The following RORA variants were observed in gnomAD, a reference collection of about 807,000 sequenced individuals.
RORA encodes the protein RAR related orphan receptor A, also known as nuclear receptor ROR-alpha.
RORA carries 7 observed loss-of-function variants against 69.5 expected under a neutral mutation model. That is an observed-to-expected ratio of 0.10 (90% confidence interval 0.06 to 0.19). RORA has a LOEUF of 0.19. Among genes scored for constraint, RORA ranks in the 10% least tolerant of loss-of-function variants. The pLI, the probability that RORA is intolerant of heterozygous loss-of-function variation, is 1.00. For missense variants in RORA, 457 were observed against 663.0 expected, an observed-to-expected ratio of 0.69 and a Z score of 3.41; for synonymous variants, 261 against 240.8, an observed-to-expected ratio of 1.08 and a Z score of -0.78.
chr15:61,073,681 G>C (rs1163847942), intron 1 of RORA, among the ~76,000 whole-genome samples: 1 of 152,158 alleles, frequency 6.6e-6, no homozygotes, highest in Admixed American at 6.5e-5. Context: ...CATTAAATAG[G>C]AATGCATATC....
intron 1 of RORA, among the ~76,000 whole-genome samples, chr15:60,709,035 T>C (rs1458806484): frequency 6.6e-6 from 1 of 152,228 alleles, no homozygotes; most frequent in Non-Finnish European, 1.5e-5. Flanking sequence ...CCTGAGCCCA[T>C]GAGCATGGGG....
intron 1 of RORA, among the ~76,000 whole-genome samples, chr15:60,691,259 C>G (rs116639878): frequency 0.011 from 1,647 of 152,268 alleles, 35 homozygotes; most frequent in African/African-American, 0.037. Context: ...TCCCTGCCCC[C>G]CTCTCCATTT....
chr15:60,641,885 T>A (rs1057372176), intron 2 of RORA, among the ~76,000 whole-genome samples: 1 of 152,228 alleles, frequency 6.6e-6, no homozygotes, highest in Non-Finnish European at 1.5e-5. Flanking sequence ...AAATAAGGAC[T>A]TATATTTTGC....
chr15:60,872,440 C>A (rs775809143), intron 1 of RORA, among the ~76,000 whole-genome samples: 1 of 152,128 alleles, frequency 6.6e-6, no homozygotes, highest in Non-Finnish European at 1.5e-5. Context: ...AGTGGGACAG[C>A]AAGAGAAACT....
chr15:60,725,908 T>C (rs1336106942), intron 1 of RORA, among the ~76,000 whole-genome samples: 2 of 152,092 alleles, frequency 1.3e-5, no homozygotes, highest in African/African-American at 4.8e-5. Flanking sequence ...CTGGTCAGAA[T>C]TGTAGAAATT....
At chr15:60,825,294 C>A (rs1389654533) in intron 1 of RORA, among the ~76,000 whole-genome samples, 1 of 152,124 alleles carries the variant, frequency 6.6e-6, no homozygotes, top group East Asian at 1.9e-4. Flanking sequence ...CACCCAAGCA[C>A]AGAGAAGGCA....
At chr15:61,052,533 T>C (rs949817185) in intron 1 of RORA, among the ~76,000 whole-genome samples, 8 of 152,078 alleles carry the variant, frequency 5.3e-5, no homozygotes, top group African/African-American at 1.9e-4. Flanking sequence ...AGGAGAGAAA[T>C]GGAGGATGAA....
At chr15:60,604,538 C>G (rs1289570810) in intron 2 of RORA, among the ~76,000 whole-genome samples, 1 of 152,058 alleles carries the variant, frequency 6.6e-6, no homozygotes, top group Non-Finnish European at 1.5e-5. Context: ...TCTTTTCTGC[C>G]TTCTTCTTTA....
chr15:60,870,852 G>C (rs781302502), intron 1 of RORA, among the ~76,000 whole-genome samples: 1 of 152,206 alleles, frequency 6.6e-6, no homozygotes, highest in Non-Finnish European at 1.5e-5. Flanking sequence ...TTTGGCAACT[G>C]TACAAGACAA....
In RORA at chr15:60,502,778, C is replaced by T. The variant is rs202239576; in HGVS notation, c.1165G>A (p.Asp389Asn). The T allele has an allele frequency of 1.6e-5, 25 of 1,612,384 alleles. No homozygotes were observed. The highest frequency in any genetic ancestry group is 4.4e-5 in the South Asian group (4 of 91,042). Residue 389 changes from aspartate to asparagine, a missense_variant, in exon 8 of 11, where the codon GAC (aspartate) becomes AAC (asparagine). By Grantham distance (23) the Asp-to-Asn change is conservative. This residue lies in a region of RORA where 304 missense variants were observed against 447.4 expected (regional missense o/e 0.68). Coordinates refer to ENST00000335670, the MANE Select transcript of RORA (RefSeq NM_134261.3). ...CCCTTACCTAAGGATTTGAAGACGT[C>T]GGGGCTGGCATACTTCCCATCAAAG... ...VYFDGKYASP[D>N]VFKSLGCEDF...
At chr15:60,974,200 G>C (rs944619862) in intron 1 of RORA, among the ~76,000 whole-genome samples, 4 of 152,172 alleles carry the variant, frequency 2.6e-5, no homozygotes, top group African/African-American at 9.7e-5. Context: ...TTCTCCCCAG[G>C]CTTAACTCCA....
chr15:60,497,911 T>C (rs1431940864), intron 10 of RORA, among the ~76,000 whole-genome samples: 1 of 151,460 alleles, frequency 6.6e-6, no homozygotes, highest in African/African-American at 2.4e-5. Flanking sequence ...AAAAAAAAAT[T>C]AGCTAGGCAT....
At chr15:60,799,118 G>A (rs2072543052) in intron 1 of RORA, among the ~76,000 whole-genome samples, 1 of 151,986 alleles carries the variant, frequency 6.6e-6, no homozygotes, top group Non-Finnish European at 1.5e-5. Flanking sequence ...CCGTGCCCTC[G>A]TGCTGGTCTC....
rs1567050935 is a variant in RORA, at chr15:60,515,963, T to TTA, written c.283-1208_283-1207dup. 4.6e-4 allele frequency among the ~76,000 whole-genome samples: 5 copies of TTA among 10,904 alleles called. 1 individual carries two copies. Among genetic ancestry groups the TTA allele is most frequent in the Admixed American group, 1.7e-3 (1 of 572 alleles). The allele number at this position is 10,904 out of a possible 152,430, so 7.2% of individuals were successfully genotyped here. On this transcript the variant is annotated intron_variant, in intron 3 of 10. Transcript: ENST00000335670. ...TTTATATATATTTATATATTTATAT[T>TTA]TATATATATTTATATATTTATATAT...
At chr15:61,070,984 C>G (rs892966089) in intron 1 of RORA, among the ~76,000 whole-genome samples, 5 of 151,716 alleles carry the variant, frequency 3.3e-5, no homozygotes, top group Admixed American at 3.3e-4. Context: ...TTTGCTCTCT[C>G]CTCTGTAAAT....
At chr15:60,564,391 TC>T (rs2067657570) in intron 2 of RORA, among the ~76,000 whole-genome samples, 1 of 152,214 alleles carries the variant, frequency 6.6e-6, no homozygotes, top group Non-Finnish European at 1.5e-5. Context: ...AACATAATGC[TC>T]TTTACATTTG....
chr15:60,604,771 G>A (rs1480227270), intron 2 of RORA, among the ~76,000 whole-genome samples: 3 of 152,136 alleles, frequency 2.0e-5, no homozygotes, highest in South Asian at 2.1e-4. Flanking sequence ...CTTTGTGATT[G>A]GTGACAAGTT....
rs61265165 is a variant in RORA at position 60,653,298 on chromosome 15, CGTGTGTGT to C, written c.196+25351_196+25358del. Among the ~76,000 whole-genome samples, 57 of 147,588 alleles carry C rather than the reference CGTGTGTGT, an allele frequency of 3.9e-4. 2 individuals carry two copies. The highest frequency in any genetic ancestry group is 1.3e-3 in the South Asian group (6 of 4,588). ...TTGGCATAATGTGTACAGGTGCATGCGTGTGTGTGTGTGTGTGTGTGTGTGTGTGTGCG... is the reference window on the plus strand; with the variant it reads ...TTGGCATAATGTGTACAGGTGCATGCGTGTGTGTGTGTGTGTGTGTGTGCG... On this transcript the variant is annotated intron_variant, in intron 2 of 10. Transcript: ENST00000335670.
At chr15:61,006,498 G>A (rs1295590774) in intron 1 of RORA, among the ~76,000 whole-genome samples, 1 of 152,164 alleles carries the variant, frequency 6.6e-6, no homozygotes, top group African/African-American at 2.4e-5. Context: ...CAGCCACTGG[G>A]AAAAGTCTGC....
Sources: allele counts gnomAD v4.1 joint callset (sites outside exome capture counted in the v4.1 genomes callset), GRCh38; gene constraint gnomAD v4.1.1; regional missense constraint gnomAD v4.1.1; transcripts MANE v1.5; gene names NCBI Gene and HGNC (gene_info 2026-07-23, HGNC 2026-07-21).